NPAS3: variants seen among roughly 807,000 people sequenced by gnomAD.
NPAS3 encodes the protein neuronal PAS domain protein 3, also known as neuronal PAS domain-containing protein 3.
NPAS3 carries 14 observed loss-of-function variants against 73.1 expected under a neutral mutation model. That is an observed-to-expected ratio of 0.19 (90% CI 0.13 to 0.30). NPAS3 has a LOEUF of 0.30. NPAS3 is among the 10% of genes least tolerant of loss of function. The pLI is 1.00. For missense variants in NPAS3, 1,096 were observed against 1,250.0 expected, an observed-to-expected ratio of 0.88 and a Z score of 1.86; for synonymous variants, 620 against 541.5, an observed-to-expected ratio of 1.14 and a Z score of -2.01.
At chr14:33,373,709 C>T (rs968940922) in intron 4 of NPAS3, among the ~76,000 whole-genome samples, 1 of 152,036 alleles carries the variant, frequency 6.6e-6, no homozygotes, top group Admixed American at 6.6e-5. Flanking sequence ...ATTAGGTAAA[C>T]CCTCTTGTAT....
At chr14:33,620,455 A>G (rs1403103248) in intron 5 of NPAS3, among the ~76,000 whole-genome samples, 7 of 152,180 alleles carry the variant, frequency 4.6e-5, no homozygotes, top group Admixed American at 3.9e-4. Context: ...ATTTGAAAAG[A>G]AAGGTGTGTT....
chr14:33,804,056 G>C (rs904189795), downstream of NPAS3: 1 of 151,886 alleles, frequency 6.6e-6, no homozygotes, highest in Non-Finnish European at 1.5e-5. Flanking sequence ...TTTACAACAG[G>C]GTTCTTTTTA....
chr14:33,070,552 G>A (rs1017093989), intron 2 of NPAS3, among the ~76,000 whole-genome samples: 4 of 152,166 alleles, frequency 2.6e-5, no homozygotes, highest in African/African-American at 7.2e-5. Context: ...TGAGTAACAG[G>A]TAAATATTGA....
chr14:33,772,498 T>C (rs949405013), intron 7 of NPAS3, among the ~76,000 whole-genome samples: 1 of 152,220 alleles, frequency 6.6e-6, no homozygotes, highest in South Asian at 2.1e-4. Context: ...TAAATTGCTT[T>C]GGAATAGAAT....
At chr14:33,708,609 G>A (rs944087) in intron 6 of NPAS3, among the ~76,000 whole-genome samples, 8,797 of 152,222 alleles carry the variant, frequency 0.058, 343 homozygotes, top group South Asian at 0.19. Context: ...GGAAGAGGAA[G>A]ATGAAAAGCA....
intron 2 of NPAS3, among the ~76,000 whole-genome samples, chr14:33,099,450 T>C (rs1394698586): frequency 1.3e-5 from 2 of 152,184 alleles, no homozygotes; most frequent in Non-Finnish European, 2.9e-5. Flanking sequence ...AAGCCTTGCT[T>C]TAAAATTCTA....
chr14:33,598,427 G>A (rs892046111), intron 5 of NPAS3, among the ~76,000 whole-genome samples: 6 of 152,166 alleles, frequency 3.9e-5, no homozygotes, highest in African/African-American at 1.4e-4. Flanking sequence ...GTTTTAATAA[G>A]TCATCATTCT....
At chr14:33,369,626 G>T (rs913080917) in intron 4 of NPAS3, among the ~76,000 whole-genome samples, 7 of 152,108 alleles carry the variant, frequency 4.6e-5, no homozygotes, top group African/African-American at 1.7e-4. Flanking sequence ...ATCTAAGCAT[G>T]ATTGCACTAT....
intron 1 of NPAS3, among the ~76,000 whole-genome samples, chr14:32,975,368 T>C (rs574577328): frequency 2.2e-5 from 3 of 139,150 alleles, no homozygotes; most frequent in African/African-American, 7.7e-5. Context: ...TTGCCCAGGC[T>C]GGAGTGCACT....
intron 1 of NPAS3, among the ~76,000 whole-genome samples, chr14:32,976,733 AAG>A: frequency 6.6e-6 from 1 of 152,356 alleles, no homozygotes; most frequent in South Asian, 2.1e-4. Flanking sequence ...TGAGGACAAA[AAG>A]AGTTTGCAAT....
At chr14:32,949,165 T>C (rs144850094) in intron 1 of NPAS3, among the ~76,000 whole-genome samples, 59 of 152,202 alleles carry the variant, frequency 3.9e-4, no homozygotes, top group African/African-American at 1.4e-3. Context: ...TCAGCTTGCA[T>C]TGAATATTTC....
intron 5 of NPAS3, among the ~76,000 whole-genome samples, chr14:33,570,159 G>A (rs2056144276): frequency 6.6e-6 from 1 of 152,180 alleles, no homozygotes; most frequent in Non-Finnish European, 1.5e-5. Context: ...GTATTCAGAG[G>A]CATTCCATTT....
chr14:33,655,331 CTTT>C lies in NPAS3; in HGVS notation c.559-20858_559-20856del, dbSNP rs3059406. On this transcript the variant is annotated intron_variant, in intron 5 of 11. Transcript: ENST00000356141. ...ACTTTTTCTCTATATACCTTTGGCT[CTTT>C]TTTTTTTTTTTTTTTTTTTTTAACA... is the stretch of plus-strand genomic sequence containing the variant. Among the ~76,000 whole-genome samples the C allele has an allele frequency of 1.8e-3, 190 of 105,884 alleles. 1 individual carries two copies. The highest frequency in any genetic ancestry group is 9.4e-3 in the South Asian group (29 of 3,084). 69.5% of individuals were successfully genotyped at this position (105,884 alleles called of 152,430 possible). A position where few individuals can be genotyped will look rare whatever the true frequency, so the allele number is the denominator to read the frequency against.
At chr14:33,292,362 C>A (rs531356260) in intron 3 of NPAS3, among the ~76,000 whole-genome samples, 1 of 152,092 alleles carries the variant, frequency 6.6e-6, no homozygotes. Context: ...GCTCTGTCCT[C>A]GACGTTTTCT....
intron 3 of NPAS3, among the ~76,000 whole-genome samples, chr14:33,226,686 T>A (rs1195964517): frequency 6.6e-6 from 1 of 152,212 alleles, no homozygotes; most frequent in East Asian, 1.9e-4. Flanking sequence ...CACCAGGTAT[T>A]GGCTGAGTGC....
At chr14:33,130,094 A>C (rs771069085) in intron 2 of NPAS3, among the ~76,000 whole-genome samples, 1 of 152,196 alleles carries the variant, frequency 6.6e-6, no homozygotes, top group African/African-American at 2.4e-5. Flanking sequence ...TTTTTCTGGT[A>C]TAGCAATTAT....
intron 5 of NPAS3, among the ~76,000 whole-genome samples, chr14:33,623,662 C>A (rs142004342): frequency 2.0e-5 from 3 of 152,180 alleles, no homozygotes; most frequent in African/African-American, 4.8e-5. Flanking sequence ...AGAGAAAAAG[C>A]CAAAATTGCT....
chr14:33,307,142 T>G (rs2042784802), intron 3 of NPAS3, among the ~76,000 whole-genome samples: 1 of 152,224 alleles, frequency 6.6e-6, no homozygotes. Context: ...TTCCTTAACT[T>G]GCAGATGCTA....
rs1396524850 is a variant in NPAS3 at position 33,800,305 on chromosome 14, C to T, written c.1998C>T (p.Asn666=). ...TCGACAATGACAGCAGCATCTGGAA[C>T]TACCCGCCCAACCGGGAGATCTCCA... The change falls in exon 12 of 12, where the codon AAC becomes AAT. Residue 666 remains asparagine (N), a synonymous_variant. Coordinates refer to ENST00000356141, the Ensembl canonical transcript of NPAS3. This position sits in a 1 kb window ranked among gnomAD's most constrained non-coding sequence, Gnocchi z 6.5. 8.7e-6 allele frequency: 14 copies of T among 1,613,342 alleles called. No individual in the cohort carries two copies. Among genetic ancestry groups the T allele is most frequent in the Non-Finnish European group, 9.3e-6 (11 of 1,179,662 alleles).
Sources: gnomAD v4.1 joint callset for allele counts (sites outside exome capture counted in the v4.1 genomes callset) on GRCh38, gnomAD v4.1.1 for gene constraint, Gnocchi (gnomAD v3.1) non-coding constraint, MANE v1.5 for transcripts, NCBI Gene and HGNC (gene_info 2026-07-23, HGNC 2026-07-21) for gene names.